Variants in CLSTN2 observed in about 807,000 individuals in gnomAD.
CLSTN2 encodes the protein calsyntenin-2.
A neutral mutation model predicts 101.2 loss-of-function variants in CLSTN2; 48 were observed. The ratio of observed to expected loss-of-function variants is 0.47; its 90% CI spans 0.38 to 0.60. CLSTN2 has a LOEUF of 0.60. Ranked by LOEUF, CLSTN2 falls within the 20% of genes least tolerant of loss-of-function variation. The pLI is 0.00. For synonymous variants in CLSTN2, 481 were observed against 463.6 expected (o/e 1.04, Z -0.48); for missense variants, 1,160 against 1,238.2 (o/e 0.94, Z 0.95).
intron 5 of CLSTN2, among the ~76,000 whole-genome samples, chr3:140,442,499 G>T (rs1273644328): frequency 2.0e-5 from 3 of 152,128 alleles, no homozygotes; most frequent in African/African-American, 7.2e-5. Context: ...TGCCTGTGGT[G>T]TGGTTATCCC....
At chr3:140,169,813 T>G in intron 1 of CLSTN2, among the ~76,000 whole-genome samples, 1 of 152,154 alleles carries the variant, frequency 6.6e-6, no homozygotes, top group East Asian at 1.9e-4. Flanking sequence ...AGGGTACACC[T>G]TAGCTACCCA....
intron 1 of CLSTN2, among the ~76,000 whole-genome samples, chr3:139,950,287 T>C (rs1354003201): frequency 6.6e-6 from 1 of 152,206 alleles, no homozygotes; most frequent in African/African-American, 2.4e-5. Context: ...CCTGAGCTTT[T>C]GAGGCTGGTG....
chr3:140,563,253 C>T, intron 15 of CLSTN2, 50 bp downstream of exon 15: 11 of 1,589,876 alleles, frequency 6.9e-6, no homozygotes, highest in Non-Finnish European at 9.5e-6. Context: ...GTCATTGTGA[C>T]TCAAGATTAT....
At chr3:140,119,288 G>T (rs575198823) in intron 1 of CLSTN2, among the ~76,000 whole-genome samples, 1 of 152,312 alleles carries the variant, frequency 6.6e-6, no homozygotes, top group East Asian at 1.9e-4. Context: ...AATTGGTAAT[G>T]AGCTCCCGTT....
chr3:140,106,199 G>A (rs2009056176), intron 1 of CLSTN2, among the ~76,000 whole-genome samples: 1 of 152,132 alleles, frequency 6.6e-6, no homozygotes, highest in South Asian at 2.1e-4. Context: ...TGAGTAACAG[G>A]TGACCAGGGT....
intron 9 of CLSTN2, among the ~76,000 whole-genome samples, chr3:140,540,850 C>G (rs1337165925): frequency 6.6e-6 from 1 of 152,224 alleles, no homozygotes; most frequent in African/African-American, 2.4e-5. Flanking sequence ...TGAGCCCCAC[C>G]TCTCAAATGA....
intron 4 of CLSTN2, among the ~76,000 whole-genome samples, chr3:140,414,011 A>C (rs9849930): frequency 0.81 from 122,900 of 152,032 alleles, 49,938 homozygotes; most frequent in Admixed American, 0.84. Flanking sequence ...CTCACTCTTG[A>C]CACTTTTATT....
At chr3:139,992,307 T>G (rs982900577) in intron 1 of CLSTN2, among the ~76,000 whole-genome samples, 4 of 152,102 alleles carry the variant, frequency 2.6e-5, no homozygotes, top group African/African-American at 9.7e-5. Flanking sequence ...AAGAGTAAAA[T>G]ATAGTCATGC....
intron 2 of CLSTN2, among the ~76,000 whole-genome samples, chr3:140,344,620 T>C (rs530964141): frequency 1.6e-4 from 24 of 152,280 alleles, no homozygotes; most frequent in African/African-American, 5.8e-4. Flanking sequence ...TAATTTCTAC[T>C]CATCTTTTGA....
intron 6 of CLSTN2, among the ~76,000 whole-genome samples, chr3:140,450,771 C>T (rs1271968758): frequency 6.6e-6 from 1 of 152,118 alleles, no homozygotes; most frequent in African/African-American, 2.4e-5. Flanking sequence ...CCTTCACCCA[C>T]ACTGTTCTAA....
chr3:140,298,474 A>G (rs920442921), intron 2 of CLSTN2, among the ~76,000 whole-genome samples: 2 of 152,228 alleles, frequency 1.3e-5, no homozygotes, highest in Admixed American at 1.3e-4. Context: ...AGAAAAAGAT[A>G]AACACTGAAA....
intron 2 of CLSTN2, among the ~76,000 whole-genome samples, chr3:140,200,617 TAA>T (rs1430306962): frequency 7.9e-5 from 12 of 152,244 alleles, no homozygotes; most frequent in African/African-American, 2.9e-4. Flanking sequence ...ATCCTGCTAT[TAA>T]GTTAAAACTT....
intron 2 of CLSTN2, among the ~76,000 whole-genome samples, chr3:140,330,654 G>T (rs949670341): frequency 1.3e-5 from 2 of 152,270 alleles, no homozygotes; most frequent in African/African-American, 2.4e-5. Context: ...CAAGATAAAG[G>T]TTCACCATAT....
chr3:140,346,769 C>T (rs2087550476), intron 2 of CLSTN2, among the ~76,000 whole-genome samples: 1 of 152,164 alleles, frequency 6.6e-6, no homozygotes, highest in South Asian at 2.1e-4. Context: ...GAGATAATAA[C>T]AACCTTGAAG....
At chr3:140,133,801 C>G (rs1286694195) in intron 1 of CLSTN2, among the ~76,000 whole-genome samples, 1 of 152,220 alleles carries the variant, frequency 6.6e-6, no homozygotes, top group African/African-American at 2.4e-5. Flanking sequence ...CCAACTTAGT[C>G]TCCCCATGCA....
intron 2 of CLSTN2, among the ~76,000 whole-genome samples, chr3:140,295,153 C>T (rs2086990769): frequency 6.6e-6 from 1 of 152,078 alleles, no homozygotes; most frequent in Admixed American, 6.6e-5. Context: ...AGGAAAAAGC[C>T]ATATCTTGCT....
intron 2 of CLSTN2, among the ~76,000 whole-genome samples, chr3:140,266,991 C>T (rs1207362559): frequency 6.6e-6 from 1 of 152,204 alleles, no homozygotes; most frequent in Non-Finnish European, 1.5e-5. Flanking sequence ...TTAGCAATGT[C>T]TGCCATGAGT....
At chr3:140,545,038 G>C (rs1386347781) in intron 9 of CLSTN2, among the ~76,000 whole-genome samples, 3 of 152,122 alleles carry the variant, frequency 2.0e-5, no homozygotes, top group African/African-American at 7.2e-5. Flanking sequence ...ATGGGGATTG[G>C]AGTAACATGG....
chr3:140,436,185 A>G (rs2088685736), intron 5 of CLSTN2, among the ~76,000 whole-genome samples: 1 of 152,084 alleles, frequency 6.6e-6, no homozygotes, highest in South Asian at 2.1e-4. Flanking sequence ...GATTTTTCCC[A>G]ATGTTTTCTG....
Sources: gnomAD v4.1 joint callset for allele counts (sites outside exome capture counted in the v4.1 genomes callset) on GRCh38, gnomAD v4.1.1 for gene constraint, MANE v1.5 for transcripts, NCBI Gene and HGNC (gene_info 2026-07-23, HGNC 2026-07-21) for gene names.